Variants in CAMKMT observed in about 807,000 individuals in gnomAD.
CAMKMT encodes the protein calmodulin-lysine N-methyltransferase.
Under a neutral mutation model 48.0 loss-of-function variants are expected in CAMKMT, and 53 were observed. The observed-to-expected ratio is 1.10, with a 90% CI of 0.89 to 1.39. The LOEUF is 1.39. CAMKMT is among the 40% of genes most tolerant of loss of function. CAMKMT has a pLI of 0.00. For synonymous variants in CAMKMT, 165 were observed against 152.3 expected, an observed-to-expected ratio of 1.08 and a Z score of -0.61; for missense variants, 428 against 402.7, an observed-to-expected ratio of 1.06 and a Z score of -0.54.
intron 3 of CAMKMT, among the ~76,000 whole-genome samples, chr2:44,684,885 C>T (rs1479590619): frequency 2.0e-5 from 3 of 152,164 alleles, no homozygotes; most frequent in Non-Finnish European, 4.4e-5. Flanking sequence ...CACACAAGAA[C>T]TGACCTGTGA....
intron 3 of CAMKMT, among the ~76,000 whole-genome samples, chr2:44,687,943 T>C (rs1305602027): frequency 6.6e-6 from 1 of 152,230 alleles, no homozygotes; most frequent in African/African-American, 2.4e-5. Context: ...TAACTAGACA[T>C]GAACAACTGA....
At position 44,461,839 on chromosome 2, in the gene CAMKMT, G is replaced by A. The variant is rs539960895; in HGVS notation, c.376+71534G>A. Among the ~76,000 whole-genome samples the A allele has an allele frequency of 7.2e-4, 110 of 152,102 alleles. 1 individual carries two copies. The highest frequency in any genetic ancestry group is 3.4e-3 in the Middle Eastern group (1 of 294). ...GATCAATTCCTATGGATGGGGTAAG[G>A]GTAGGGCCAGAATTCCTTGACCTAC... On this transcript the variant is annotated intron_variant, in intron 3 of 10. Coordinates refer to ENST00000378494, the MANE Select transcript of CAMKMT (RefSeq NM_024766.5).
At position 44,687,658 on chromosome 2, in the gene CAMKMT, T is replaced by G. The variant is rs368907945; in HGVS notation, c.377-16625T>G. Among the ~76,000 whole-genome samples the G allele has an allele frequency of 1.3e-3, 194 of 152,350 alleles. No individual in the cohort carries two copies. The Middle Eastern group carries it at 0.014, about 11-fold the overall frequency. Reference sequence around the variant, plus strand: ...GTTCATGTTTCAAAACCTATTATAATGCATCTTCAAATATGTCAGACACAT... The same window carrying G: ...GTTCATGTTTCAAAACCTATTATAAGGCATCTTCAAATATGTCAGACACAT... On this transcript the variant is annotated intron_variant, in intron 3 of 10. Transcript: ENST00000378494.
In CAMKMT at chr2:44,667,505, T is replaced by G. The variant is rs539529805; in HGVS notation, c.377-36778T>G. Among the ~76,000 whole-genome samples the G allele has an allele frequency of 2.0e-5, 3 of 152,342 alleles. 1 individual carries two copies. In the South Asian group the frequency reaches 6.2e-4, roughly 32 times the overall value. On this transcript the variant is annotated intron_variant, in intron 3 of 10. Coordinates refer to ENST00000378494, the MANE Select transcript of CAMKMT (RefSeq NM_024766.5). The stretch of plus-strand genomic sequence containing the variant: ...CCGCTAATGTTTAAGACACTCCCTC[T>G]TATTTGCTGAAGATTTTAGAACTTG...
chr2:44,736,484 T>C (rs1408731999), intron 7 of CAMKMT, among the ~76,000 whole-genome samples: 1 of 152,224 alleles, frequency 6.6e-6, no homozygotes, highest in African/African-American at 2.4e-5. Flanking sequence ...ATTATTATTA[T>C]GTGCCTGCTA....
At chr2:44,424,489 C>G (rs1483981734) in intron 3 of CAMKMT, among the ~76,000 whole-genome samples, 1 of 152,096 alleles carries the variant, frequency 6.6e-6, no homozygotes, top group East Asian at 1.9e-4. Context: ...GAAGGTTTCA[C>G]AATGTTTCCT....
At chr2:44,456,851 T>G in intron 3 of CAMKMT, 1 of 426,426 alleles carries the variant, frequency 2.3e-6, no homozygotes, top group Non-Finnish European at 4.2e-6. Flanking sequence ...TCTACAAAGC[T>G]AGTGTCTGGG....
chr2:44,549,699 G>A (rs1320499697), intron 3 of CAMKMT: 1 of 536,860 alleles, frequency 1.9e-6, no homozygotes, highest in Admixed American at 3.3e-5. Context: ...TTGGCTTAAG[G>A]ATTAAGGATC....
chr2:44,395,723 T>A (rs185145545), intron 3 of CAMKMT, among the ~76,000 whole-genome samples: 82 of 152,320 alleles, frequency 5.4e-4, no homozygotes, highest in Non-Finnish European at 1.5e-5. Context: ...CCAAGTAAAC[T>A]GTAAATAGTA....
intron 3 of CAMKMT, among the ~76,000 whole-genome samples, chr2:44,447,848 T>C (rs1572897305): frequency 6.6e-6 from 1 of 152,254 alleles, no homozygotes; most frequent in East Asian, 1.9e-4. Flanking sequence ...GAGCAACTTG[T>C]ATTTTTCAGT....
At chr2:44,546,061 A>G (rs541468542) in intron 3 of CAMKMT, among the ~76,000 whole-genome samples, 4 of 151,916 alleles carry the variant, frequency 2.6e-5, no homozygotes, top group Admixed American at 6.6e-5. Flanking sequence ...AGATTAGCAA[A>G]TTGCATCTTT....
intron 3 of CAMKMT, among the ~76,000 whole-genome samples, chr2:44,682,109 G>T (rs571931492): frequency 7.2e-5 from 11 of 152,242 alleles, no homozygotes; most frequent in South Asian, 6.2e-4. Flanking sequence ...TTAATAGAGG[G>T]CTTCCCTTTA....
intron 3 of CAMKMT, among the ~76,000 whole-genome samples, chr2:44,684,520 C>G (rs943319793): frequency 1.3e-5 from 2 of 151,896 alleles, no homozygotes; most frequent in Admixed American, 1.3e-4. Context: ...GAATCATTTT[C>G]TCTCTCTCAA....
intron 3 of CAMKMT, among the ~76,000 whole-genome samples, chr2:44,612,070 C>G (rs922070926): frequency 1.7e-4 from 26 of 152,080 alleles, no homozygotes; most frequent in African/African-American, 5.3e-4. Context: ...TTCTAATAAA[C>G]TATGTATGTG....
chr2:44,584,868 C>A (rs993071296), intron 3 of CAMKMT, among the ~76,000 whole-genome samples: 1 of 151,934 alleles, frequency 6.6e-6, no homozygotes, highest in Non-Finnish European at 1.5e-5. Flanking sequence ...TCCTGGCTAA[C>A]GTGGTGAAAC....
intron 1 of CAMKMT, among the ~76,000 whole-genome samples, chr2:44,364,143 C>G (rs1267205877): frequency 6.6e-6 from 1 of 151,474 alleles, no homozygotes; most frequent in African/African-American, 2.4e-5. Context: ...GCCATGATAC[C>G]TGGCTTTCAG....
At chr2:44,483,187 A>C (rs1041547749) in intron 3 of CAMKMT, among the ~76,000 whole-genome samples, 2 of 152,150 alleles carry the variant, frequency 1.3e-5, no homozygotes, top group African/African-American at 4.8e-5. Flanking sequence ...TGTCACCCTC[A>C]GTCAGTGTGG....
In CAMKMT at chr2:44,641,970, C is replaced by G. The variant is rs184587218; in HGVS notation, c.377-62313C>G. Reference sequence around the variant, plus strand: ...CCAGCATCTACTGAGCTGTCTTCACCCATCTTGCCACCTGACATCCTGAAA... The same window carrying G: ...CCAGCATCTACTGAGCTGTCTTCACGCATCTTGCCACCTGACATCCTGAAA... On this transcript the variant is annotated intron_variant, in intron 3 of 10. Coordinates refer to ENST00000378494, the MANE Select transcript of CAMKMT (RefSeq NM_024766.5). Among the ~76,000 whole-genome samples the G allele has an allele frequency of 4.6e-5, 7 of 152,272 alleles. No homozygotes were observed. In the East Asian group the frequency reaches 1.4e-3, roughly 29 times the overall value.
In CAMKMT at chr2:44,382,725, C is replaced by T. The variant is rs546000090; in HGVS notation, c.312-7516C>T. ...CGATCTCCTGACCTGGTGATCCACC[C>T]GCCTTGGCCTCCCAAAGTGCTGGGA... On this transcript the variant is annotated intron_variant, in intron 2 of 10. Transcript: ENST00000378494. Among the ~76,000 whole-genome samples, 219 of 152,030 alleles carry T rather than the reference C, an allele frequency of 1.4e-3. 2 individuals are homozygous for T. The highest frequency in any genetic ancestry group is 6.1e-3 in the South Asian group (29 of 4,792).
Sources: allele counts gnomAD v4.1 joint callset (sites outside exome capture counted in the v4.1 genomes callset), GRCh38; gene constraint gnomAD v4.1.1; transcripts MANE v1.5; gene names NCBI Gene and HGNC (gene_info 2026-07-23, HGNC 2026-07-21).